The following TRPM3 variants were observed in gnomAD, a reference collection of about 807,000 sequenced individuals.
The protein encoded by TRPM3 is long transient receptor potential channel 3.
Under a neutral mutation model 181.2 loss-of-function variants are expected in TRPM3, and 77 were observed. The ratio of observed to expected loss-of-function variants is 0.42; its 90% CI spans 0.35 to 0.51. TRPM3 has a LOEUF of 0.51. TRPM3 is among the 20% of genes least tolerant of loss of function. The pLI is 0.01. For synonymous variants in TRPM3, 745 were observed against 796.4 expected (o/e 0.94, Z 1.09); for missense variants, 1,759 against 2,196.7 (o/e 0.80, Z 3.98).
chr9:70,696,654 G>GCCAGGA (rs2070585971), intron 8 of TRPM3, among the ~76,000 whole-genome samples: 1 of 152,210 alleles, frequency 6.6e-6, no homozygotes, highest in Non-Finnish European at 1.5e-5. Context: ...CAGGGCCAAT[G>GCCAGGA]CCAGGACATT....
chr9:70,691,814 C>A (rs1229537262), intron 8 of TRPM3, among the ~76,000 whole-genome samples: 2 of 152,192 alleles, frequency 1.3e-5, no homozygotes, highest in Admixed American at 6.5e-5. Context: ...AAGTCCTACT[C>A]AAAGACACTA....
At chr9:71,004,955 G>A (rs983201046) in intron 1 of TRPM3, among the ~76,000 whole-genome samples, 1 of 152,092 alleles carries the variant, frequency 6.6e-6, no homozygotes. Flanking sequence ...AAAAAGAAGA[G>A]TAAAGAAGGC....
rs2081797666 is a variant in TRPM3, at chr9:71,242,876, A to C, written c.183+203777T>G. On this transcript the variant is annotated intron_variant, in intron 1 of 24. Coordinates refer to the TRPM3 transcript ENST00000357533. ...CCTTCCAAGGACTCCCCATTGCCTCAAAGTAAAATGCATGCTGCTTATCCA... is the reference window on the plus strand; with the variant it reads ...CCTTCCAAGGACTCCCCATTGCCTCCAAGTAAAATGCATGCTGCTTATCCA... Among the ~76,000 whole-genome samples, 2 of 152,020 alleles carry C rather than the reference A, an allele frequency of 1.3e-5. 1 individual carries two copies. Among genetic ancestry groups the C allele is most frequent in the South Asian group, 4.1e-4 (2 of 4,826 alleles).
chr9:71,400,147 T>C (rs2093308463), intron 1 of TRPM3, among the ~76,000 whole-genome samples: 2 of 152,166 alleles, frequency 1.3e-5, no homozygotes, highest in South Asian at 4.1e-4. Context: ...GTAAAAATAA[T>C]TCTCGTTTGG....
At chr9:70,938,477 T>C (rs950930703) in intron 1 of TRPM3, among the ~76,000 whole-genome samples, 1 of 152,200 alleles carries the variant, frequency 6.6e-6, no homozygotes, top group Non-Finnish European at 1.5e-5. Context: ...ATCCTGTCTT[T>C]TTTTTCTATC....
At chr9:70,837,378 T>C (rs2094392760) in intron 5 of TRPM3, among the ~76,000 whole-genome samples, 2 of 152,154 alleles carry the variant, frequency 1.3e-5, no homozygotes, top group South Asian at 2.1e-4. Context: ...CTTGGAGAAA[T>C]AAATCTATAG....
At chr9:71,155,422 A>G (rs1240871099) in intron 1 of TRPM3, among the ~76,000 whole-genome samples, 2 of 151,954 alleles carry the variant, frequency 1.3e-5, no homozygotes, top group African/African-American at 4.8e-5. Flanking sequence ...GGTTCAGGTG[A>G]ATTCTCCTGC....
chr9:71,286,743 C>T (rs11142781), intron 1 of TRPM3, among the ~76,000 whole-genome samples: 33,399 of 151,172 alleles, frequency 0.22, 4,091 homozygotes, highest in African/African-American at 0.3. Context: ...TTCTCGGATT[C>T]AATCTTGTAC....
At chr9:70,864,075 G>A (rs1479732246) in intron 2 of TRPM3, among the ~76,000 whole-genome samples, 1 of 152,034 alleles carries the variant, frequency 6.6e-6, no homozygotes, top group Non-Finnish European at 1.5e-5. Flanking sequence ...TTTTATTTAA[G>A]TGTCTCCTTT....
chr9:71,045,518 A>G (rs1353180135), intron 1 of TRPM3, among the ~76,000 whole-genome samples: 1 of 152,164 alleles, frequency 6.6e-6, no homozygotes, highest in African/African-American at 2.4e-5. Context: ...ATACTTAATA[A>G]ATATTTGTGT....
At chr9:70,950,092 A>C (rs2096982014) in intron 1 of TRPM3, among the ~76,000 whole-genome samples, 1 of 152,230 alleles carries the variant, frequency 6.6e-6, no homozygotes, top group Admixed American at 6.5e-5. Flanking sequence ...CTCCCTTCAC[A>C]GTCATGATAT....
intron 8 of TRPM3, among the ~76,000 whole-genome samples, chr9:70,745,393 C>T (rs1209328163): frequency 6.6e-6 from 1 of 152,112 alleles, no homozygotes. Context: ...CAGTGACCCA[C>T]TGTATGTTGA....
Position 71,392,925 on chromosome 9 carries a change from ATGTTATTT to A in TRPM3, c.183+53720_183+53727del, listed in dbSNP as rs1456153794. On this transcript the variant is annotated intron_variant, in intron 1 of 24. Coordinates refer to the TRPM3 transcript ENST00000357533. ...AATATAATCAAAGTAATGTTTTGGAATGTTATTTGGTAGGAATATAGAACAATGTAGAA... is the reference window on the plus strand; with the variant it reads ...AATATAATCAAAGTAATGTTTTGGAAGGTAGGAATATAGAACAATGTAGAA... Among the ~76,000 whole-genome samples the A allele has an allele frequency of 2.0e-5, 3 of 152,276 alleles. No individual in the cohort carries two copies. The East Asian group carries it at 5.8e-4, about 29-fold the overall frequency.
rs142570714 is a variant in TRPM3, at chr9:70,767,024, T to C, written c.1149-5300A>G. 1.7e-3 allele frequency among the ~76,000 whole-genome samples: 260 copies of C among 152,386 alleles called. 1 individual carries two copies. Among genetic ancestry groups the C allele is most frequent in the African/African-American group, 5.8e-3 (243 of 41,596 alleles). ...GCAAGTCCTGCACAAGCGTATGCAT[T>C]ATTCAGAGAGTCCTACGATGCTTTT... On this transcript the variant is annotated intron_variant, in intron 7 of 25. Coordinates refer to ENST00000677713, the MANE Select transcript of TRPM3 (RefSeq NM_001366145.2).
intron 1 of TRPM3, among the ~76,000 whole-genome samples, chr9:71,220,741 G>C (rs181983701): frequency 1.3e-5 from 2 of 152,200 alleles, no homozygotes; most frequent in East Asian, 3.9e-4. Context: ...GCAAATGAGA[G>C]AATATGTGCA....
intron 25 of TRPM3, among the ~76,000 whole-genome samples, chr9:70,544,730 C>A (rs1441226024): frequency 6.6e-6 from 1 of 151,148 alleles, no homozygotes; most frequent in Non-Finnish European, 1.5e-5. Flanking sequence ...ACTTGAGGTG[C>A]TGAAATAATG....
chr9:71,243,075 T>C (rs1217496340), intron 1 of TRPM3, among the ~76,000 whole-genome samples: 3 of 152,194 alleles, frequency 2.0e-5, no homozygotes. Context: ...AGAGTCTTGC[T>C]CTGTTACCCA....
At chr9:71,026,387 T>C (rs528429522) in intron 1 of TRPM3, among the ~76,000 whole-genome samples, 1 of 152,246 alleles carries the variant, frequency 6.6e-6, no homozygotes, top group East Asian at 1.9e-4. Flanking sequence ...TGGCAGACCA[T>C]GCTTGACCAG....
At chr9:70,886,036 G>A (rs554143845) in intron 1 of TRPM3, among the ~76,000 whole-genome samples, 1 of 152,270 alleles carries the variant, frequency 6.6e-6, no homozygotes, top group South Asian at 2.1e-4. Context: ...AAATGTGAAT[G>A]TTATAGACTT....
Sources: gnomAD v4.1 joint callset for allele counts (sites outside exome capture counted in the v4.1 genomes callset) on GRCh38, gnomAD v4.1.1 for gene constraint, MANE v1.5 for transcripts, NCBI Gene and HGNC (gene_info 2026-07-23, HGNC 2026-07-21) for gene names.